GRTP1: variants seen among roughly 807,000 people sequenced by gnomAD.
The protein encoded by GRTP1 is growth hormone regulated TBC protein 1.
Under a neutral mutation model 38.1 loss-of-function variants are expected in GRTP1, and 56 were observed. That is an observed-to-expected ratio of 1.47 (90% CI 1.19 to 1.84). GRTP1 has a LOEUF of 1.84. Among genes scored for constraint, GRTP1 ranks in the 40% most tolerant of loss-of-function variants. The pLI is 0.00. For missense variants in GRTP1, 506 were observed against 453.9 expected, an observed-to-expected ratio of 1.11 and a Z score of -1.04; for synonymous variants, 217 against 189.5, an observed-to-expected ratio of 1.14 and a Z score of -1.19.
At chr13:113,326,377 T>TGGGGGG (rs1298880217) in intron 5 of GRTP1, among the ~76,000 whole-genome samples, 1 of 2,248 alleles carries the variant, frequency 4.4e-4, no homozygotes, top group Admixed American at 4.5e-3. Flanking sequence ...GGTGGCGCGG[T>TGGGGGG]GGGGGGGGGG....
At chr13:113,346,086 GGGAAGACATCTGTGGCCGAGAACA>G (rs1566429086) in intron 4 of GRTP1, among the ~76,000 whole-genome samples, 4 of 8,430 alleles carry the variant, frequency 4.7e-4, no homozygotes, top group South Asian at 3.3e-3. Flanking sequence ...GAGCAGACCT[GGGAAGACATCTGTGGCCGAGAACA>G]GACCCGGGAG....
intron 5 of GRTP1, among the ~76,000 whole-genome samples, chr13:113,333,869 G>GTGTGTGTGTGTT (rs2042915051): frequency 7.0e-6 from 1 of 142,050 alleles, no homozygotes; most frequent in Non-Finnish European, 1.5e-5. Context: ...GTGTGTGTGT[G>GTGTGTGTGTGTT]TGTGTCCGAG....
chr13:113,328,190 T>G (rs775377043), intron 5 of GRTP1, among the ~76,000 whole-genome samples: 1 of 152,114 alleles, frequency 6.6e-6, no homozygotes, highest in Non-Finnish European at 1.5e-5. Context: ...TCCCTGTCCT[T>G]CTGGGGACAT....
rs961032143 is a variant in GRTP1 at position 113,364,017 on chromosome 13, C to A, written c.32+3G>T. On this transcript the variant is annotated splice_donor_region_variant and intron_variant, in intron 1 of 7. Transcript: ENST00000375431. ...GGGGACGCCCGCACCCCGCGCCACA[C>A]ACCTGGGGACCCGCGAGCGCTCGGC... 2.4e-5 allele frequency: 33 copies of A among 1,357,364 alleles called. No homozygotes were observed. The African/African-American group carries it at 4.4e-4, about 18-fold the overall frequency. 84.1% of individuals were successfully genotyped at this position (1,357,364 alleles called of 1,614,324 possible).
chr13:113,345,029 G>A (rs2043080522), intron 4 of GRTP1, 70 bp from the exon 5 acceptor site: 4 of 1,516,344 alleles, frequency 2.6e-6, no homozygotes, highest in Non-Finnish European at 3.5e-6. Context: ...GCAATCATTC[G>A]GCTACAAACT....
chr13:113,342,710 G>A lies in GRTP1; in HGVS notation c.562+2153C>T, dbSNP rs190643777. On this transcript the variant is annotated intron_variant, in intron 5 of 7. Coordinates refer to ENST00000375431, the MANE Select transcript of GRTP1 (RefSeq NM_024719.4). The surrounding 1 kb of genome is among the most constrained non-coding windows in gnomAD (Gnocchi z 4.5). ...CCTACTTCGGTCACTGTAACTTAGA[G>A]AAGGACATATATTTGCCTCTTTTCT... is the stretch of plus-strand genomic sequence containing the variant. 2.0e-5 allele frequency among the ~76,000 whole-genome samples: 3 copies of A among 152,140 alleles called. No individual in the cohort carries two copies. Among genetic ancestry groups the A allele is most frequent in the Admixed American group, 6.6e-5 (1 of 15,266 alleles).
intron 4 of GRTP1, among the ~76,000 whole-genome samples, chr13:113,346,154 C>T (rs1294143378): frequency 1.6e-4 from 23 of 144,444 alleles, no homozygotes; most frequent in Admixed American, 2.8e-4. Flanking sequence ...CCGGGAGGAC[C>T]TCTGTGCCTG....
chr13:113,324,791 T>G (rs1162893018), intron 7 of GRTP1: 2 of 1,285,098 alleles, frequency 1.6e-6, no homozygotes, highest in Non-Finnish European at 9.8e-7. Flanking sequence ...GTTAAATGAA[T>G]CAAACGGTGG....
Position 113,324,508 on chromosome 13 carries a change from GGGC to G in GRTP1, c.988_990del (p.Ala330del). The G allele has an allele frequency of 6.2e-7, 1 of 1,610,960 alleles. No individual in the cohort carries two copies. Among genetic ancestry groups the G allele is most frequent in the Non-Finnish European group, 8.5e-7 (1 of 1,178,838 alleles). On this transcript the variant is annotated inframe_deletion, in exon 8 of 8. Transcript: ENST00000375431. Reference sequence around the variant, plus strand: ...CACGCTCACCCCTGTGCCAGCAGCCGGGCCCTGCAGCTCTCGCGGAGCTTGGCG... The same window carrying G: ...CACGCTCACCCCTGTGCCAGCAGCCGCCTGCAGCTCTCGCGGAGCTTGGCG...
chr13:113,359,993 A>T (rs2043466036), intron 2 of GRTP1: 1 of 152,232 alleles, frequency 6.6e-6, no homozygotes, highest in Middle Eastern at 3.2e-3. Context: ...AAGAAGCTAC[A>T]TCCAGAGAAC....
Position 113,325,797 on chromosome 13 carries a change from A to T in GRTP1, c.785T>A (p.Ile262Asn). 6.2e-7 allele frequency: 1 copy of T among 1,614,114 alleles called. No homozygotes were observed. Among genetic ancestry groups the T allele is most frequent in the Non-Finnish European group, 8.5e-7 (1 of 1,180,002 alleles). Reference sequence around the variant, plus strand: ...AATTAAGGTCAGGGCCACCCGGAAGATAATCTTCGAGCCTTCGTTAAACAA... The same window carrying T: ...AATTAAGGTCAGGGCCACCCGGAAGTTAATCTTCGAGCCTTCGTTAAACAA... ...DCLFNEGSKI[I>N]FRVALTLIKQ... The change falls in exon 7 of 8, where the codon ATC becomes AAC. Residue 262 changes from isoleucine to asparagine, a missense_variant. Physicochemically the swap from Ile to Asn is moderately radical, Grantham distance 149. Coordinates refer to ENST00000375431, the MANE Select transcript of GRTP1 (RefSeq NM_024719.4).
At chr13:113,351,574 G>A (rs1156676924) in intron 3 of GRTP1, 9 of 155,544 alleles carry the variant, frequency 5.8e-5, no homozygotes, top group African/African-American at 1.7e-4. Flanking sequence ...CCACTGTCCC[G>A]CCCAGGCATC....
At chr13:113,347,454 A>AGGACCTCTGTGGCCGAGAGCAGACCCG (rs1566432143) in intron 4 of GRTP1, among the ~76,000 whole-genome samples, 5 of 45,162 alleles carry the variant, frequency 1.1e-4, no homozygotes, top group Admixed American at 8.4e-4. Flanking sequence ...GAGCAGACCC[A>AGGACCTCTGTGGCCGAGAGCAGACCCG]GGAGGATCTC....
rs577718502 is a variant in GRTP1 at position 113,324,673 on chromosome 13, G to A, written c.922-96C>T. The A allele has an allele frequency of 6.0e-5, 91 of 1,504,252 alleles. No homozygotes were observed. The African/African-American group carries it at 1.2e-3, about 19-fold the overall frequency. 93.2% of individuals were successfully genotyped at this position (1,504,252 alleles called of 1,614,324 possible). A position where few individuals can be genotyped will look rare whatever the true frequency, so the allele number is the denominator to read the frequency against. ...AGGCAGGCAGACAGGCCTCGTGTGA[G>A]GTGAGGGAGGAGCAGTCCACATCCA... On this transcript the variant is annotated intron_variant, in intron 7 of 7. Transcript: ENST00000375431.
At chr13:113,341,370 A>G (rs986953137) in intron 5 of GRTP1, among the ~76,000 whole-genome samples, 2 of 152,114 alleles carry the variant, frequency 1.3e-5, no homozygotes, top group Non-Finnish European at 2.9e-5. Flanking sequence ...GGGTTCAAGC[A>G]ATTCTCCTGC....
At chr13:113,361,779 G>A (rs2043504125) in intron 2 of GRTP1, 1 of 152,188 alleles carries the variant, frequency 6.6e-6, no homozygotes, top group African/African-American at 2.4e-5. Flanking sequence ...TGTTTACCAT[G>A]TACATAAATT....
In GRTP1 at chr13:113,363,899, T is replaced by G. The variant is rs373897364; in HGVS notation, c.44A>C (p.Tyr15Ser). The change falls in exon 2 of 8, where the codon TAC becomes TCC. Residue 15 changes from tyrosine to serine, a missense_variant. Coordinates refer to ENST00000375431, the MANE Select transcript of GRTP1 (RefSeq NM_024719.4). ...ERSRVPRIDP[Y>S]GFERPEDFDD... ...GAAGTCCTCAGGCCGCTCGAATCCG[T>G]ACGGGTCGATCCTGCAAAACCGAGA... 1.9e-6 allele frequency: 3 copies of G among 1,610,994 alleles called. No individual in the cohort carries two copies. In the African/African-American group the frequency reaches 4.0e-5, roughly 22 times the overall value.
At position 113,348,601 on chromosome 13, in the gene GRTP1, G is replaced by T. The variant is rs2043209414; in HGVS notation, c.465+2248C>A. Among the ~76,000 whole-genome samples, 2 of 152,194 alleles carry T rather than the reference G, an allele frequency of 1.3e-5. No individual in the cohort carries two copies. Among genetic ancestry groups the T allele is most frequent in the Non-Finnish European group, 2.9e-5 (2 of 68,038 alleles). On this transcript the variant is annotated intron_variant, in intron 4 of 7. Coordinates refer to ENST00000375431, the MANE Select transcript of GRTP1 (RefSeq NM_024719.4). The surrounding 1 kb of genome is among the most constrained non-coding windows in gnomAD (Gnocchi z 4.8). ...TCATTACGGATGGGGTCATGGAGGA[G>T]TTGGTGGGCCCTATCCAAGCCTGGT...
At chr13:113,358,039 G>A (rs988277817) in intron 2 of GRTP1, among the ~76,000 whole-genome samples, 5 of 152,110 alleles carry the variant, frequency 3.3e-5, no homozygotes, top group South Asian at 4.2e-4. Flanking sequence ...AAAATTAGCC[G>A]GGCGTGGTGG....
Sources: allele counts gnomAD v4.1 joint callset (sites outside exome capture counted in the v4.1 genomes callset), GRCh38; gene constraint gnomAD v4.1.1; non-coding constraint Gnocchi (gnomAD v3.1); transcripts MANE v1.5; gene names NCBI Gene and HGNC (gene_info 2026-07-23, HGNC 2026-07-21).